Variants in EFCAB14 observed in about 807,000 individuals in gnomAD.
EFCAB14 encodes the protein EF-hand calcium-binding domain-containing protein 14.
A neutral mutation model predicts 56.5 loss-of-function variants in EFCAB14; 43 were observed. That is an observed-to-expected ratio of 0.76 (90% CI 0.60 to 0.98). The LOEUF is 0.98. Among genes scored for constraint, EFCAB14 ranks in the 50% least tolerant of loss-of-function variants. The pLI, the probability that EFCAB14 is intolerant of heterozygous loss-of-function variation, is 0.00. For missense variants in EFCAB14, 538 were observed against 580.3 expected (o/e 0.93, Z 0.75); for synonymous variants, 235 against 212.9 (o/e 1.10, Z -0.90).
chr1:46,689,519 C>G, intron 6 of EFCAB14, 68 bp downstream of exon 6: 1 of 1,490,958 alleles, frequency 6.7e-7, no homozygotes. Flanking sequence ...AAACACTAAG[C>G]CCAAACTATT....
intron 10 of EFCAB14, among the ~76,000 whole-genome samples, chr1:46,681,381 T>C (rs970863381): frequency 5.9e-5 from 9 of 152,260 alleles, no homozygotes; most frequent in African/African-American, 2.2e-4. Flanking sequence ...ACTCCTTTAA[T>C]TTCATCATTT....
chr1:46,716,720 G>A (rs1677401795), intron 1 of EFCAB14, among the ~76,000 whole-genome samples: 1 of 152,198 alleles, frequency 6.6e-6, no homozygotes, highest in Non-Finnish European at 1.5e-5. Flanking sequence ...ATTATCAGGA[G>A]GGAGGTCTTT....
intron 3 of EFCAB14, among the ~76,000 whole-genome samples, chr1:46,707,037 T>C (rs377239960): frequency 6.6e-6 from 1 of 152,332 alleles, no homozygotes; most frequent in Non-Finnish European, 1.5e-5. Flanking sequence ...TGCTGAAAGG[T>C]GTGGCTTCAG....
At chr1:46,693,576 T>C (rs907777508) in intron 4 of EFCAB14, among the ~76,000 whole-genome samples, 1 of 152,196 alleles carries the variant, frequency 6.6e-6, no homozygotes, top group Admixed American at 6.5e-5. Context: ...TGAATGCCTG[T>C]TGCAAAAGCT....
intron 10 of EFCAB14, 115 bp from the exon 11 acceptor site, chr1:46,678,751 T>G (rs1676737868): frequency 6.0e-6 from 6 of 998,070 alleles, no homozygotes; most frequent in Non-Finnish European, 8.4e-6. Flanking sequence ...GCAAATTTTG[T>G]TTCCAAATGG....
chr1:46,688,725 T>G (rs1676929794), intron 6 of EFCAB14, among the ~76,000 whole-genome samples, 181 bp from the exon 7 acceptor site: 1 of 152,162 alleles, frequency 6.6e-6, no homozygotes, highest in Non-Finnish European at 1.5e-5. Flanking sequence ...CTTTTGGAAT[T>G]GTTTGGCCTC....
At chr1:46,712,256 GTATGGCCAGAAAAGGAGGTGCC>G (rs995994801) in intron 2 of EFCAB14, among the ~76,000 whole-genome samples, 4 of 152,142 alleles carry the variant, frequency 2.6e-5, no homozygotes, top group Non-Finnish European at 5.9e-5. Flanking sequence ...TACTTTGTCT[GTATGGCCAGAAAAGGAGGTGCC>G]TGATTTATTT....
intron 7 of EFCAB14, among the ~76,000 whole-genome samples, chr1:46,687,156 C>T (rs1676896567): frequency 6.6e-6 from 1 of 152,130 alleles, no homozygotes; most frequent in African/African-American, 2.4e-5. Flanking sequence ...CACGATACTG[C>T]TCTAAGAAAC....
At chr1:46,716,548 T>C (rs1160606268) in intron 1 of EFCAB14, 105 bp from the exon 2 acceptor site, 1 of 1,310,796 alleles carries the variant, frequency 7.6e-7, no homozygotes, top group Non-Finnish European at 1.1e-6. Context: ...TTTAAATGAA[T>C]AACCAGTGAA....
At chr1:46,687,064 G>A (rs1569690882) in intron 7 of EFCAB14, 194 bp from the exon 8 acceptor site, 1 of 596,682 alleles carries the variant, frequency 1.7e-6, no homozygotes, top group Non-Finnish European at 3.0e-6. Flanking sequence ...TGAAACTAGT[G>A]CTTCTAGCTG....
Position 46,675,559 on chromosome 1 carries a change from A to C in EFCAB14, c.*2902T>G, listed in dbSNP as rs1405562892. On this transcript the variant is annotated 3_prime_UTR_variant, in exon 11 of 11. Coordinates refer to ENST00000371933, the MANE Select transcript of EFCAB14 (RefSeq NM_014774.3). The stretch of plus-strand genomic sequence containing the variant: ...GAGCCCATCACAGCCAAAATCCTCA[A>C]CTGTGACCGGCAGGACCAGCAAGGG... The C allele has an allele frequency of 6.6e-6, 1 of 152,662 alleles. No individual in the cohort carries two copies. The highest frequency in any genetic ancestry group is 1.5e-5 in the Non-Finnish European group (1 of 68,164). 9.5% of individuals were successfully genotyped at this position (152,662 alleles called of 1,614,324 possible). A position where few individuals can be genotyped will look rare whatever the true frequency, so the allele number is the denominator to read the frequency against.
At position 46,677,037 on chromosome 1, in the gene EFCAB14, TA is replaced by T. The variant is rs1569668767; in HGVS notation, c.*1423del. The T allele has an allele frequency of 6.6e-6, 1 of 152,092 alleles. No homozygotes were observed. Among genetic ancestry groups the T allele is most frequent in the Non-Finnish European group, 1.5e-5 (1 of 68,050 alleles). 9.4% of individuals were successfully genotyped at this position (152,092 alleles called of 1,614,324 possible). A position where few individuals can be genotyped will look rare whatever the true frequency, so the allele number is the denominator to read the frequency against. ...GGCCTATACCAAAGTTAAGTTTTTG[TA>T]GTTTTTTTTTCCCCTTTCAAGTTGT... On this transcript the variant is annotated 3_prime_UTR_variant, in exon 11 of 11. Transcript: ENST00000371933.
chr1:46,689,464 C>A, intron 6 of EFCAB14, 123 bp downstream of exon 6: 1 of 855,398 alleles, frequency 1.2e-6, no homozygotes, highest in Non-Finnish European at 1.9e-6. Context: ...CTCTGCTCAG[C>A]TCCCAGGCAG....
intron 2 of EFCAB14, among the ~76,000 whole-genome samples, chr1:46,709,805 T>C (rs1159781975): frequency 6.6e-6 from 1 of 152,066 alleles, no homozygotes; most frequent in Non-Finnish European, 1.5e-5. Context: ...CTGGTCAACA[T>C]GGCAAAACCC....
chr1:46,718,720 GTGA>G lies in EFCAB14; in HGVS notation c.-636_-634del, dbSNP rs1323749877. ...CTGGCCAGGAAGCCGGCTGGGGTGTGTGATGATCACCGTTCTCCGGCCTCCGTC... is the reference window on the plus strand; with the variant it reads ...CTGGCCAGGAAGCCGGCTGGGGTGTGTGATCACCGTTCTCCGGCCTCCGTC... On this transcript the variant is annotated 5_prime_UTR_variant, in exon 1 of 11. Transcript: ENST00000371933. 2.6e-5 allele frequency: 4 copies of G among 152,354 alleles called. No homozygotes were observed. Among genetic ancestry groups the G allele is most frequent in the Non-Finnish European group, 5.9e-5 (4 of 68,160 alleles). 9.4% of individuals were successfully genotyped at this position (152,354 alleles called of 1,614,324 possible).
rs1343746192 is a variant in EFCAB14, at chr1:46,692,153, C to T, written c.580-216G>A. The T allele has an allele frequency of 2.5e-5, 10 of 405,142 alleles. 1 individual carries two copies. The highest frequency in any genetic ancestry group is 1.5e-4 in the East Asian group (4 of 25,810). The allele number at this position is 405,142 out of a possible 1,614,324, so 25.1% of individuals were successfully genotyped here. The stretch of plus-strand genomic sequence containing the variant: ...CTTGCCGATCGTTCCCAGGCAACCA[C>T]TGATCCACTTTCTGTCACAATAAAT... On this transcript the variant is annotated intron_variant, in intron 4 of 10. Coordinates refer to ENST00000371933, the MANE Select transcript of EFCAB14 (RefSeq NM_014774.3).
chr1:46,710,737 G>A lies in EFCAB14; in HGVS notation c.335-2686C>T, dbSNP rs766514844. Among the ~76,000 whole-genome samples, 4 of 151,992 alleles carry A rather than the reference G, an allele frequency of 2.6e-5. No homozygotes were observed. In the South Asian group the frequency reaches 8.3e-4, roughly 32 times the overall value. Reference sequence around the variant, plus strand: ...CCCAGCTATTTTTAATTTTTTTAGAGATGGTGTCTTGCTATGCTTCCCTGG... The same window carrying A: ...CCCAGCTATTTTTAATTTTTTTAGAAATGGTGTCTTGCTATGCTTCCCTGG... On this transcript the variant is annotated intron_variant, in intron 2 of 10. Transcript: ENST00000371933.
At chr1:46,711,792 T>C (rs1677311710) in intron 2 of EFCAB14, among the ~76,000 whole-genome samples, 1 of 152,218 alleles carries the variant, frequency 6.6e-6, no homozygotes, top group Non-Finnish European at 1.5e-5. Context: ...AGCAATATTT[T>C]ATATTTATAC....
chr1:46,701,901 A>C (rs1677164229), intron 3 of EFCAB14, among the ~76,000 whole-genome samples: 1 of 152,226 alleles, frequency 6.6e-6, no homozygotes, highest in African/African-American at 2.4e-5. Flanking sequence ...TTCTCTCTTC[A>C]GTAAAATAAT....
Sources: gnomAD v4.1 joint callset for allele counts (sites outside exome capture counted in the v4.1 genomes callset) on GRCh38, gnomAD v4.1.1 for gene constraint, MANE v1.5 for transcripts, NCBI Gene and HGNC (gene_info 2026-07-23, HGNC 2026-07-21) for gene names.